The following CES5A variants were observed in gnomAD, a reference collection of about 807,000 sequenced individuals.
CES5A encodes carboxylesterase 5.
CES5A carries 67 observed loss-of-function variants against 62.9 expected under a neutral mutation model. That is an observed-to-expected ratio of 1.07 (90% CI 0.88 to 1.31). The LOEUF (loss-of-function observed/expected upper bound fraction) is 1.31, where lower values mean the gene tolerates loss of function less well. CES5A is among the 50% of genes most tolerant of loss of function. CES5A has a pLI of 0.00. For missense variants in CES5A, 748 were observed against 708.5 expected (o/e 1.06, Z -0.63); for synonymous variants, 296 against 280.8 (o/e 1.05, Z -0.54).
intron 2 of CES5A, chr16:55,949,657 A>G (rs1347386091): frequency 7.1e-6 from 3 of 420,856 alleles, no homozygotes; most frequent in East Asian, 7.1e-5. Context: ...CATCTTGACA[A>G]TGAAAATAAA....
At chr16:55,903,125 C>G (rs2142443483) in intron 1 of CES5A, among the ~76,000 whole-genome samples, 1 of 144,074 alleles carries the variant, frequency 6.9e-6, no homozygotes, top group South Asian at 2.3e-4. Context: ...TAAAGGGATG[C>G]AGAGAAAAAA....
At chr16:55,861,910 T>G (rs3859105) in intron 6 of CES5A, among the ~76,000 whole-genome samples, 24,773 of 151,728 alleles carry the variant, frequency 0.16, 2,333 homozygotes, top group Non-Finnish European at 0.22. Context: ...ACACCAAGAG[T>G]GAGGAGCAGC....
chr16:55,877,519 C>T (rs1018320944), upstream of CES5A, among the ~76,000 whole-genome samples: 5 of 151,382 alleles, frequency 3.3e-5, no homozygotes, highest in African/African-American at 1.2e-4. Flanking sequence ...TCTTACTCTT[C>T]CACAAAATCA....
chr16:55,914,823 GA>G (rs34840279), intron 1 of CES5A, among the ~76,000 whole-genome samples: 2 of 152,112 alleles, frequency 1.3e-5, no homozygotes, highest in African/African-American at 4.8e-5. Context: ...GGTGAAATCG[GA>G]AAAACGTCAG....
At chr16:55,932,879 G>C (rs181322991) in intron 2 of CES5A, among the ~76,000 whole-genome samples, 3 of 152,312 alleles carry the variant, frequency 2.0e-5, no homozygotes, top group Admixed American at 2.0e-4. Context: ...AATGAATTTG[G>C]GGGATACAAA....
intron 1 of CES5A, among the ~76,000 whole-genome samples, chr16:55,882,412 A>G (rs1331529776): frequency 5.3e-5 from 8 of 152,204 alleles, no homozygotes; most frequent in African/African-American, 1.9e-4. Context: ...CCAGAATTGC[A>G]GGGACCACAT....
At chr16:55,948,202 T>A (rs1233759060) in intron 2 of CES5A, among the ~76,000 whole-genome samples, 1 of 151,760 alleles carries the variant, frequency 6.6e-6, no homozygotes, top group Admixed American at 6.6e-5. Context: ...TTTCCAAGGA[T>A]GATTTTAAGG....
At chr16:55,861,374 G>T in intron 7 of CES5A, 38 bp downstream of exon 7, 1 of 1,183,092 alleles carries the variant, frequency 8.5e-7, no homozygotes, top group Non-Finnish European at 1.3e-6. Context: ...CCGTTCGAAG[G>T]GCAAGCCTGC....
At chr16:55,897,476 C>A (rs944180662) in intron 1 of CES5A, among the ~76,000 whole-genome samples, 1 of 152,130 alleles carries the variant, frequency 6.6e-6, no homozygotes, top group Non-Finnish European at 1.5e-5. Flanking sequence ...GAATACTTGG[C>A]CTTTCTTGTC....
chr16:55,952,921 C>T (rs1273414708), intron 1 of CES5A, among the ~76,000 whole-genome samples: 4 of 152,062 alleles, frequency 2.6e-5, no homozygotes, highest in African/African-American at 9.7e-5. Flanking sequence ...ATGTGGCTAC[C>T]ATAACCAAAT....
chr16:55,872,497 G>A (rs1246728787), intron 2 of CES5A, among the ~76,000 whole-genome samples: 1 of 152,302 alleles, frequency 6.6e-6, no homozygotes, highest in South Asian at 2.1e-4. Flanking sequence ...GCAGCTAAAA[G>A]CCTAAGACTC....
chr16:55,863,020 T>A (rs2033384420), intron 6 of CES5A, among the ~76,000 whole-genome samples: 2 of 152,198 alleles, frequency 1.3e-5, no homozygotes, highest in South Asian at 4.1e-4. Context: ...GGGTATTCAT[T>A]CCCAGTAGAG....
intron 6 of CES5A, among the ~76,000 whole-genome samples, chr16:55,862,607 T>A (rs6499793): frequency 0.16 from 23,714 of 152,268 alleles, 2,204 homozygotes; most frequent in Middle Eastern, 0.28. Context: ...GGAATTTTTT[T>A]AAATTGCATA....
At chr16:55,859,492 C>A in intron 8 of CES5A, 55 bp downstream of exon 8, 4 of 1,577,822 alleles carry the variant, frequency 2.5e-6, no homozygotes, top group Non-Finnish European at 3.5e-6. Flanking sequence ...GCTGTTGAAG[C>A]CAAAGCTGCA....
At chr16:55,863,035 G>A (rs867810702) in intron 6 of CES5A, among the ~76,000 whole-genome samples, 23 of 152,294 alleles carry the variant, frequency 1.5e-4, no homozygotes, top group Middle Eastern at 3.4e-3. Context: ...GTAGAGTAGC[G>A]TAGGCACAGA....
chr16:55,890,033 A>G (rs1374624359), intron 1 of CES5A, among the ~76,000 whole-genome samples: 4 of 152,226 alleles, frequency 2.6e-5, no homozygotes, highest in Non-Finnish European at 5.9e-5. Flanking sequence ...CCAGGAAAGC[A>G]TCAGAGTCAC....
intron 4 of CES5A, among the ~76,000 whole-genome samples, chr16:55,867,955 C>T (rs1226024088): frequency 6.6e-6 from 1 of 152,306 alleles, no homozygotes; most frequent in South Asian, 2.1e-4. Flanking sequence ...GGCTCCCTAT[C>T]TGCAGCTGGG....
chr16:55,921,305 G>T (rs898528690), intron 1 of CES5A, among the ~76,000 whole-genome samples: 2 of 151,912 alleles, frequency 1.3e-5, no homozygotes, highest in South Asian at 4.2e-4. Context: ...ACTAGTCCAC[G>T]GCATATAATA....
intron 1 of CES5A, among the ~76,000 whole-genome samples, chr16:55,916,432 C>G (rs963770391): frequency 1.3e-5 from 2 of 152,212 alleles, no homozygotes; most frequent in African/African-American, 4.8e-5. Context: ...CCAAAGTTAG[C>G]TTGGACTAAG....
Sources: allele counts gnomAD v4.1 joint callset (sites outside exome capture counted in the v4.1 genomes callset), GRCh38; gene constraint gnomAD v4.1.1; transcripts MANE v1.5; gene names NCBI Gene and HGNC (gene_info 2026-07-23, HGNC 2026-07-21).